Variants in FHIT observed in about 807,000 individuals in gnomAD.
The protein encoded by FHIT is fragile histidine triad diadenosine triphosphatase.
In FHIT, 19 loss-of-function variants were observed where a neutral mutation model predicts 17.9. The ratio of observed to expected loss-of-function variants is 1.06; its 90% CI spans 0.74 to 1.56. The LOEUF is 1.56. Among genes scored for constraint, FHIT ranks in the 40% most tolerant of loss-of-function variants. The probability of loss-of-function intolerance (pLI) is 0.00; values close to 1 mark genes in which losing one functional copy is unlikely to be tolerated. For synonymous variants in FHIT, 81 were observed against 69.7 expected (o/e 1.16, Z -0.81); for missense variants, 248 against 189.2 (o/e 1.31, Z -1.82).
At chr3:59,998,652 A>C (rs192073204) in intron 7 of FHIT, among the ~76,000 whole-genome samples, 6 of 152,146 alleles carry the variant, frequency 3.9e-5, no homozygotes, top group Non-Finnish European at 8.8e-5. Context: ...GGAAAGAGCC[A>C]GCCAGTCTCA....
At chr3:60,136,167 G>A (rs533665600) in intron 5 of FHIT, among the ~76,000 whole-genome samples, 4 of 152,042 alleles carry the variant, frequency 2.6e-5, no homozygotes, top group Admixed American at 6.6e-5. Flanking sequence ...GACTCTTGCT[G>A]CTATCTGATT....
intron 5 of FHIT, among the ~76,000 whole-genome samples, chr3:60,355,586 A>T (rs1244569152): frequency 6.6e-6 from 1 of 152,210 alleles, no homozygotes; most frequent in East Asian, 1.9e-4. Flanking sequence ...TATTAAAAAA[A>T]CTAAATTTGA....
intron 5 of FHIT, among the ~76,000 whole-genome samples, chr3:60,408,955 G>C (rs543400186): frequency 6.6e-6 from 1 of 152,184 alleles, no homozygotes; most frequent in East Asian, 1.9e-4. Flanking sequence ...AAAAAATTCT[G>C]TAGCACAGAG....
At chr3:60,355,065 T>C (rs1699587925) in intron 5 of FHIT, among the ~76,000 whole-genome samples, 1 of 152,188 alleles carries the variant, frequency 6.6e-6, no homozygotes, top group Non-Finnish European at 1.5e-5. Flanking sequence ...CATTTTTAAA[T>C]AATTCAGTCA....
At chr3:61,240,147 C>G in intron 1 of FHIT, among the ~76,000 whole-genome samples, 1 of 152,126 alleles carries the variant, frequency 6.6e-6, no homozygotes, top group East Asian at 1.9e-4. Context: ...CAAGAGAGGG[C>G]CTCAGCTGTA....
At chr3:60,598,989 T>C (rs1375928755) in intron 4 of FHIT, among the ~76,000 whole-genome samples, 1 of 152,230 alleles carries the variant, frequency 6.6e-6, no homozygotes, top group Non-Finnish European at 1.5e-5. Flanking sequence ...AATTTTCTTC[T>C]ATCTGTTTAG....
At chr3:60,842,455 A>G (rs1702754038) in intron 3 of FHIT, among the ~76,000 whole-genome samples, 2 of 151,774 alleles carry the variant, frequency 1.3e-5, no homozygotes, top group African/African-American at 4.8e-5. Flanking sequence ...AACCTGAGAT[A>G]TTTTATCAAC....
At chr3:60,358,901 A>G (rs767659580) in intron 5 of FHIT, among the ~76,000 whole-genome samples, 5 of 152,216 alleles carry the variant, frequency 3.3e-5, no homozygotes, top group Non-Finnish European at 5.9e-5. Context: ...TGGAAGATTT[A>G]TATTAAATAA....
chr3:61,124,872 G>C (rs1442847416), intron 2 of FHIT, among the ~76,000 whole-genome samples: 1 of 152,094 alleles, frequency 6.6e-6, no homozygotes, highest in Admixed American at 6.5e-5. Flanking sequence ...ATCTGCTAGT[G>C]TTTTCCATTT....
chr3:60,260,695 G>A (rs1030030131), intron 5 of FHIT, among the ~76,000 whole-genome samples: 13 of 152,004 alleles, frequency 8.6e-5, no homozygotes, highest in African/African-American at 3.1e-4. Context: ...CTACTGGGCT[G>A]TATTTCCAGG....
At chr3:60,665,455 T>G (rs2040358768) in intron 4 of FHIT, among the ~76,000 whole-genome samples, 1 of 152,060 alleles carries the variant, frequency 6.6e-6, no homozygotes, top group Non-Finnish European at 1.5e-5. Flanking sequence ...TTTGAGGCTC[T>G]GTTATTTGGT....
intron 4 of FHIT, among the ~76,000 whole-genome samples, chr3:60,576,897 T>G (rs191673501): frequency 1.4e-4 from 21 of 151,506 alleles, no homozygotes; most frequent in Admixed American, 5.3e-4. Flanking sequence ...ATCCACATGC[T>G]TCTCATTTCC....
At chr3:59,976,986 G>C (rs973283420) in intron 7 of FHIT, among the ~76,000 whole-genome samples, 3 of 152,090 alleles carry the variant, frequency 2.0e-5, no homozygotes, top group African/African-American at 4.8e-5. Context: ...CACCTGGTTG[G>C]GGTTGGGGTC....
At chr3:60,103,746 G>T (rs571434742) in intron 5 of FHIT, among the ~76,000 whole-genome samples, 1 of 152,132 alleles carries the variant, frequency 6.6e-6, no homozygotes, top group Non-Finnish European at 1.5e-5. Flanking sequence ...TTTTTCCAAC[G>T]TTTTCAGCTC....
intron 1 of FHIT, among the ~76,000 whole-genome samples, chr3:61,243,599 T>C (rs2040420870): frequency 6.6e-6 from 1 of 152,146 alleles, no homozygotes; most frequent in Admixed American, 6.5e-5. Context: ...CCAGTAAAAA[T>C]GAGTGGTATT....
chr3:59,983,823 T>C (rs1575816172), intron 7 of FHIT, among the ~76,000 whole-genome samples: 1 of 152,050 alleles, frequency 6.6e-6, no homozygotes, highest in African/African-American at 2.4e-5. Context: ...AGGGACCTGA[T>C]TTGGTCAAGT....
chr3:60,060,504 A>G (rs1702255071), intron 5 of FHIT, among the ~76,000 whole-genome samples: 1 of 152,204 alleles, frequency 6.6e-6, no homozygotes, highest in African/African-American at 2.4e-5. Context: ...TAACTACTTT[A>G]TGTGTCAGAA....
intron 5 of FHIT, among the ~76,000 whole-genome samples, chr3:60,066,564 G>A (rs1023292533): frequency 2.6e-4 from 39 of 147,472 alleles, no homozygotes; most frequent in African/African-American, 9.4e-4. Flanking sequence ...TTCTGGTCAC[G>A]TAATCATGGG....
chr3:61,063,315 G>A (rs1019718243), intron 2 of FHIT, among the ~76,000 whole-genome samples: 22 of 150,960 alleles, frequency 1.5e-4, no homozygotes, highest in Non-Finnish European at 2.2e-4. Flanking sequence ...CAACCACATC[G>A]GGTAGGTTCC....
Sources: gnomAD v4.1 joint callset for allele counts (sites outside exome capture counted in the v4.1 genomes callset) on GRCh38, gnomAD v4.1.1 for gene constraint, MANE v1.5 for transcripts, NCBI Gene and HGNC (gene_info 2026-07-23, HGNC 2026-07-21) for gene names.